DCAF4: variants seen among roughly 807,000 people sequenced by gnomAD.
DCAF4 encodes DDB1 and CUL4 associated factor 4, also known as DDB1- and CUL4-associated factor 4.
DCAF4 carries 37 observed loss-of-function variants against 60.9 expected under a neutral mutation model. That is an observed-to-expected ratio of 0.61 (90% CI 0.47 to 0.80). The LOEUF is 0.80. Ranked by LOEUF, DCAF4 falls within the 30% of genes least tolerant of loss-of-function variation. The probability of loss-of-function intolerance (pLI) is 0.00; values close to 1 mark genes in which losing one functional copy is unlikely to be tolerated. For synonymous variants in DCAF4, 243 were observed against 254.8 expected (o/e 0.95, Z 0.44); for missense variants, 577 against 650.0 (o/e 0.89, Z 1.22).
intron 5 of DCAF4, 165 bp downstream of exon 5, chr14:72,941,989 C>A: frequency 3.0e-6 from 2 of 661,120 alleles, no homozygotes; most frequent in Non-Finnish European, 5.1e-6. Flanking sequence ...TGCTTAAACC[C>A]ACCCTGAGAA....
chr14:72,943,220 C>T, intron 6 of DCAF4, 124 bp downstream of exon 6: 1 of 837,960 alleles, frequency 1.2e-6, no homozygotes, highest in East Asian at 2.7e-5. Flanking sequence ...TAGGTGGCAT[C>T]TTCTTGGTTG....
chr14:72,955,377 T>G, intron 11 of DCAF4, 146 bp from the exon 12 acceptor site: 1 of 946,820 alleles, frequency 1.1e-6, no homozygotes, highest in Non-Finnish European at 1.6e-6. Flanking sequence ...TCCAACTCCA[T>G]TGAGACCCAA....
intron 6 of DCAF4, among the ~76,000 whole-genome samples, chr14:72,944,352 A>G (rs1890450349): frequency 6.6e-6 from 1 of 152,218 alleles, no homozygotes; most frequent in South Asian, 2.1e-4. Context: ...TAAACTTACA[A>G]CGTTGGTACA....
At chr14:72,929,685 C>A in intron 1 of DCAF4, 1 of 1,321,982 alleles carries the variant, frequency 7.6e-7, no homozygotes, top group Non-Finnish European at 1.1e-6. Context: ...CCTCTTGGCA[C>A]GGATGTGCGT....
chr14:72,931,281 T>G (rs1453257624), intron 1 of DCAF4, among the ~76,000 whole-genome samples: 2 of 150,966 alleles, frequency 1.3e-5, no homozygotes, highest in African/African-American at 4.9e-5. Flanking sequence ...TTTTTTTTTT[T>G]GTAACTGAGC....
chr14:72,928,976 C>T (rs61988543), intron 1 of DCAF4, among the ~76,000 whole-genome samples: 4,242 of 96,846 alleles, frequency 0.044, 88 homozygotes, highest in Non-Finnish European at 0.076. Flanking sequence ...GCCTACCTCC[C>T]AGGGGAGGCG....
Position 72,938,086 on chromosome 14 carries a change from T to C in DCAF4, c.92+16T>C, listed in dbSNP as rs1415296326. On this transcript the variant is annotated intron_variant, in intron 2 of 13. Coordinates refer to ENST00000358377, the MANE Select transcript of DCAF4 (RefSeq NM_015604.4). ...CTGAAGACAGGCAAGTGTGCCGCTC[T>C]GGGGAGCCACTTTTGCCCAGTGTGC... 6.3e-7 allele frequency: 1 copy of C among 1,588,480 alleles called. No individual in the cohort carries two copies. The highest frequency in any genetic ancestry group is 1.4e-5 in the African/African-American group (1 of 73,116).
At chr14:72,953,452 G>A (rs1891708828) in intron 9 of DCAF4, among the ~76,000 whole-genome samples, 1 of 151,208 alleles carries the variant, frequency 6.6e-6, no homozygotes, top group African/African-American at 2.4e-5. Context: ...GCTCATGCCT[G>A]TAATCTCAAC....
intron 11 of DCAF4, 74 bp downstream of exon 11, chr14:72,954,557 CCT>C (rs755683830): frequency 2.4e-6 from 2 of 833,982 alleles, no homozygotes; most frequent in Non-Finnish European, 3.3e-6. Context: ...AAATTGGACT[CCT>C]CTGTGTGCCA....
At position 72,940,337 on chromosome 14, in the gene DCAF4, A is replaced by G; in HGVS notation, c.311A>G (p.Lys104Arg). ...ATCCGGCAGAAGGAGATGGAGAGCA[A>G]GAGACTGCGGCTGCTCCAGGAAGAA... ...ESIRQKEMES[K>R]RLRLLQEEDR... Residue 104 changes from lysine (K) to arginine (R), a missense_variant, in exon 4 of 14, where the codon AAG (lysine) becomes AGG (arginine). By Grantham distance (26) the Lys-to-Arg change is conservative. Coordinates refer to ENST00000358377, the MANE Select transcript of DCAF4 (RefSeq NM_015604.4). The G allele has an allele frequency of 6.2e-7, 1 of 1,613,924 alleles. No homozygotes were observed. Among genetic ancestry groups the G allele is most frequent in the Non-Finnish European group, 8.5e-7 (1 of 1,179,968 alleles).
At chr14:72,934,261 C>T (rs1462700380) in intron 1 of DCAF4, among the ~76,000 whole-genome samples, 1 of 151,804 alleles carries the variant, frequency 6.6e-6, no homozygotes, top group African/African-American at 2.4e-5. Flanking sequence ...TCAAGCGATT[C>T]TCCTGCCTCA....
intron 5 of DCAF4, 30 bp downstream of exon 5, chr14:72,941,854 T>G: frequency 6.3e-7 from 1 of 1,598,934 alleles, no homozygotes. Flanking sequence ...TTATGTTTTC[T>G]TCATGAATGT....
intron 11 of DCAF4, among the ~76,000 whole-genome samples, chr14:72,954,693 C>T (rs1892042730): frequency 6.6e-6 from 1 of 152,164 alleles, no homozygotes; most frequent in African/African-American, 2.4e-5. Context: ...CTCTACACAA[C>T]CTCTCATGGA....
chr14:72,933,922 G>A (rs541031051), intron 1 of DCAF4, among the ~76,000 whole-genome samples: 5 of 152,276 alleles, frequency 3.3e-5, no homozygotes, highest in East Asian at 3.9e-4. Context: ...ATGTGTAAGC[G>A]AGTTCATCTC....
intron 1 of DCAF4, among the ~76,000 whole-genome samples, chr14:72,936,215 A>G (rs1366032785): frequency 2.0e-5 from 3 of 152,216 alleles, no homozygotes; most frequent in Admixed American, 6.5e-5. Context: ...TAACTGATCC[A>G]TAGGGAAACC....
intron 8 of DCAF4, among the ~76,000 whole-genome samples, chr14:72,950,437 C>A (rs747126068): frequency 7.2e-5 from 11 of 152,086 alleles, no homozygotes; most frequent in Non-Finnish European, 1.2e-4. Flanking sequence ...ATGTTTCCAT[C>A]AGATTTAGAA....
rs914114823 is a variant in DCAF4 at position 72,947,999 on chromosome 14, A to G, written c.728+808A>G. Among the ~76,000 whole-genome samples the G allele has an allele frequency of 4.6e-5, 7 of 152,298 alleles. No individual in the cohort carries two copies. In the East Asian group the frequency reaches 1.4e-3, roughly 29 times the overall value. ...TTCTCTTATTAAATGTGTTCTGGAA[A>G]CAATGTGACTACTCATTGTACCTCA... On this transcript the variant is annotated intron_variant, in intron 8 of 13. Transcript: ENST00000358377.
intron 6 of DCAF4, 107 bp from the exon 7 acceptor site, chr14:72,945,777 G>C: frequency 6.9e-7 from 1 of 1,446,910 alleles, no homozygotes; most frequent in South Asian, 1.3e-5. Context: ...CTCTCACCTA[G>C]TGAAAATGCA....
At position 72,926,503 on chromosome 14, in the gene DCAF4, A is replaced by G. The variant is rs1453575169; in HGVS notation, c.-49A>G. On this transcript the variant is annotated 5_prime_UTR_variant, in exon 1 of 14. Transcript: ENST00000358377. ...GCACGCTTCGCTCCAACTCCTGCAG[A>G]GCTGAGCCGGAGGGGAATCCGGAAG... 6.6e-6 allele frequency: 1 copy of G among 152,404 alleles called. No homozygotes were observed. The highest frequency in any genetic ancestry group is 2.4e-5 in the African/African-American group (1 of 41,456). 9.4% of individuals were successfully genotyped at this position (152,404 alleles called of 1,614,324 possible).
Sources: gnomAD v4.1 joint callset for allele counts (sites outside exome capture counted in the v4.1 genomes callset) on GRCh38, gnomAD v4.1.1 for gene constraint, MANE v1.5 for transcripts, NCBI Gene and HGNC (gene_info 2026-07-23, HGNC 2026-07-21) for gene names.